The following HYDIN variants were observed in gnomAD, a reference collection of about 807,000 sequenced individuals.
HYDIN encodes the protein HYDIN axonemal central pair apparatus protein.
Under a neutral mutation model 403.9 loss-of-function variants are expected in HYDIN, and 132 were observed. The ratio of observed to expected loss-of-function variants is 0.33; its 90% CI spans 0.28 to 0.38. The LOEUF (loss-of-function observed/expected upper bound fraction) is 0.38, where lower values mean the gene tolerates loss of function less well. HYDIN is among the 10% of genes least tolerant of loss of function. The probability of loss-of-function intolerance (pLI) is 1.00; values close to 1 mark genes in which losing one functional copy is unlikely to be tolerated. For synonymous variants in HYDIN, 1,202 were observed against 1,891.7 expected (o/e 0.64, Z 9.46); for missense variants, 2,827 against 5,009.5 (o/e 0.56, Z 13.15).
intron 1 of HYDIN, chr16:71,203,795 A>G (rs1404234014): frequency 1.1e-5 from 5 of 456,008 alleles, no homozygotes; most frequent in South Asian, 6.2e-5. Flanking sequence ...TCCAGAACAG[A>G]TAACAGAAAA....
intron 47 of HYDIN, among the ~76,000 whole-genome samples, chr16:70,914,968 G>A (rs999371413): frequency 1.0e-3 from 153 of 147,978 alleles, no homozygotes; most frequent in African/African-American, 3.6e-3. Flanking sequence ...CTCTAAGTGT[G>A]TTCAATATTT....
chr16:71,163,123 T>C (rs1398270403), intron 5 of HYDIN, among the ~76,000 whole-genome samples: 6 of 102,906 alleles, frequency 5.8e-5, no homozygotes, highest in South Asian at 7.4e-4. Context: ...ATGTTTCTTT[T>C]TTTTTTTTTT....
intron 13 of HYDIN, among the ~76,000 whole-genome samples, chr16:71,070,459 C>T (rs1370621131): frequency 1.3e-5 from 2 of 150,024 alleles, no homozygotes; most frequent in African/African-American, 2.5e-5. Context: ...GCTGGGATTA[C>T]AGGTGTGCGC....
At position 70,955,548 on chromosome 16, in the gene HYDIN, C is replaced by G; in HGVS notation, c.6143G>C (p.Gly2048Ala). ...AIIIHGTPLSGKSANAVSVAK... is the reference protein window; with the variant it reads ...AIIIHGTPLSAKSANAVSVAK... Reference sequence around the variant, plus strand: ...CACGCTAACGGCATTGGCTGACTTTCCTATTAAAAAGACCAGGGGGTTGAA... The same window carrying G: ...CACGCTAACGGCATTGGCTGACTTTGCTATTAAAAAGACCAGGGGGTTGAA... Residue 2048 changes from glycine to alanine, a missense_variant and splice_region_variant, in exon 40 of 86, where the codon GGA (glycine) becomes GCA (alanine). Gly to Ala is a moderately conservative substitution (Grantham distance 60). Coordinates refer to ENST00000393567, the MANE Select transcript of HYDIN (RefSeq NM_001270974.2). The G allele has an allele frequency of 7.1e-7, 1 of 1,413,586 alleles. No homozygotes were observed. Among genetic ancestry groups the G allele is most frequent in the Non-Finnish European group, 9.8e-7 (1 of 1,015,400 alleles). The allele number at this position is 1,413,586 out of a possible 1,614,324, so 87.6% of individuals were successfully genotyped here. A position where few individuals can be genotyped will look rare whatever the true frequency, so the allele number is the denominator to read the frequency against.
At chr16:71,037,807 G>A (rs1218479270) in intron 18 of HYDIN, among the ~76,000 whole-genome samples, 2 of 152,248 alleles carry the variant, frequency 1.3e-5, no homozygotes, top group African/African-American at 2.4e-5. Context: ...CGAAAGGAAT[G>A]CAGCTCGGCT....
At chr16:70,830,672 C>T (rs2036917485) in intron 80 of HYDIN, among the ~76,000 whole-genome samples, 1 of 150,216 alleles carries the variant, frequency 6.7e-6, no homozygotes, top group Non-Finnish European at 1.5e-5. Flanking sequence ...TCCAGTTGTA[C>T]TTGGAAGAGC....
At chr16:71,203,585 A>G in intron 1 of HYDIN, 1 of 381,242 alleles carries the variant, frequency 2.6e-6, no homozygotes, top group South Asian at 2.0e-5. Context: ...AGCACAGTGA[A>G]GTATGCTTTA....
intron 38 of HYDIN, among the ~76,000 whole-genome samples, chr16:70,961,564 G>A (rs998899874): frequency 3.9e-4 from 60 of 152,116 alleles, no homozygotes; most frequent in Admixed American, 1.3e-4. Context: ...CAGAAAATGG[G>A]GCCATAATGC....
Position 71,084,536 on chromosome 16 carries a change from A to G in HYDIN, c.1670+3765T>C, listed in dbSNP as rs544970471. 4.1e-4 allele frequency among the ~76,000 whole-genome samples: 62 copies of G among 151,362 alleles called. 2 individuals are homozygous for G. In the South Asian group the frequency reaches 0.012, roughly 30 times the overall value. ...CAAGTAGCTGGAATTACAGGCATGCATCACCATGCCCAGTTAATTTTTTTG... is the reference window on the plus strand; with the variant it reads ...CAAGTAGCTGGAATTACAGGCATGCGTCACCATGCCCAGTTAATTTTTTTG... On this transcript the variant is annotated intron_variant, in intron 12 of 85. Transcript: ENST00000393567.
intron 41 of HYDIN, among the ~76,000 whole-genome samples, chr16:70,945,738 A>T (rs546394160): frequency 1.0e-3 from 156 of 152,198 alleles, no homozygotes; most frequent in South Asian, 3.5e-3. Context: ...TTCCAAGAGG[A>T]GGGGGTGATC....
At chr16:71,089,576 G>A (rs1189679854) in intron 11 of HYDIN, among the ~76,000 whole-genome samples, 2 of 152,338 alleles carry the variant, frequency 1.3e-5, no homozygotes, top group South Asian at 4.1e-4. Context: ...GAAGTCAGAT[G>A]CAGACAGAGG....
At chr16:71,169,866 T>C (rs961519646) in intron 5 of HYDIN, among the ~76,000 whole-genome samples, 3 of 152,248 alleles carry the variant, frequency 2.0e-5, no homozygotes, top group Non-Finnish European at 4.4e-5. Context: ...AGATAATGTA[T>C]ATATTAATTA....
chr16:71,019,384 A>G (rs1275540098), intron 22 of HYDIN, among the ~76,000 whole-genome samples: 3 of 152,292 alleles, frequency 2.0e-5, no homozygotes, highest in Non-Finnish European at 4.4e-5. Flanking sequence ...TGACATGATT[A>G]GATGGTTTCG....
chr16:71,171,930 G>A (rs1053926893), intron 5 of HYDIN, among the ~76,000 whole-genome samples: 7 of 152,306 alleles, frequency 4.6e-5, no homozygotes, highest in African/African-American at 1.7e-4. Context: ...GCCAGGTACT[G>A]GGGCTACAGG....
At chr16:71,224,812 C>T (rs936595110) in intron 1 of HYDIN, among the ~76,000 whole-genome samples, 9 of 152,120 alleles carry the variant, frequency 5.9e-5, no homozygotes, top group South Asian at 2.1e-4. Flanking sequence ...CCGCCCGCCT[C>T]GGCCTCCCAA....
chr16:71,216,550 C>G (rs1161960374), intron 1 of HYDIN, among the ~76,000 whole-genome samples: 1 of 152,198 alleles, frequency 6.6e-6, no homozygotes, highest in East Asian at 1.9e-4. Flanking sequence ...ATACCCACAT[C>G]CTAATCCTTG....
chr16:70,931,557 C>A (rs1297030561), intron 45 of HYDIN, among the ~76,000 whole-genome samples: 1 of 150,786 alleles, frequency 6.6e-6, no homozygotes, highest in African/African-American at 2.5e-5. Context: ...CCTACGGAAT[C>A]GGAACCTCTC....
chr16:70,850,784 A>G, intron 73 of HYDIN, 129 bp from the exon 74 acceptor site: 1 of 804,264 alleles, frequency 1.2e-6, no homozygotes, highest in Non-Finnish European at 1.9e-6. Context: ...TGACATTTTA[A>G]GATTTGTGGC....
chr16:71,184,301 T>C (rs2087035319), intron 3 of HYDIN, among the ~76,000 whole-genome samples: 1 of 152,096 alleles, frequency 6.6e-6, no homozygotes, highest in Non-Finnish European at 1.5e-5. Context: ...AAGGATATAA[T>C]TTAAGAAATT....
Sources: gnomAD v4.1 joint callset for allele counts (sites outside exome capture counted in the v4.1 genomes callset) on GRCh38, gnomAD v4.1.1 for gene constraint, MANE v1.5 for transcripts, NCBI Gene and HGNC (gene_info 2026-07-23, HGNC 2026-07-21) for gene names.